The following LDLRAD4 variants were observed in gnomAD, a reference collection of about 807,000 sequenced individuals.
The protein encoded by LDLRAD4 is low density lipoprotein receptor class A domain containing 4.
LDLRAD4 carries 5 observed loss-of-function variants against 17.0 expected under a neutral mutation model. The ratio of observed to expected loss-of-function variants is 0.29; its 90% CI spans 0.15 to 0.62. LDLRAD4 has a LOEUF of 0.62. Ranked by LOEUF, LDLRAD4 falls within the 20% of genes least tolerant of loss-of-function variation. The pLI, the probability that LDLRAD4 is intolerant of heterozygous loss-of-function variation, is 0.84. For missense variants in LDLRAD4, 340 were observed against 424.7 expected, an observed-to-expected ratio of 0.80 and a Z score of 1.75; for synonymous variants, 168 against 171.8, an observed-to-expected ratio of 0.98 and a Z score of 0.17.
At chr18:13,392,519 C>T (rs190215415) in intron 2 of LDLRAD4, among the ~76,000 whole-genome samples, 4 of 152,274 alleles carry the variant, frequency 2.6e-5, no homozygotes, top group East Asian at 3.9e-4. Context: ...GGGACCCTTC[C>T]GGGCTGGGTC....
chr18:13,262,679 GAAACT>G (rs2145979123), intron 1 of LDLRAD4, among the ~76,000 whole-genome samples: 2 of 92,644 alleles, frequency 2.2e-5, no homozygotes, highest in South Asian at 4.4e-4. Context: ...CCTGTGCGTG[GAAACT>G]GAGTCCCGTG....
intron 3 of LDLRAD4, among the ~76,000 whole-genome samples, chr18:13,516,775 G>A (rs1008571715): frequency 2.0e-5 from 3 of 152,156 alleles, no homozygotes; most frequent in East Asian, 1.9e-4. Flanking sequence ...GCTTCCTGAC[G>A]GCACCTTCTT....
chr18:13,552,360 T>G (rs1235440963), intron 3 of LDLRAD4, among the ~76,000 whole-genome samples: 1 of 152,232 alleles, frequency 6.6e-6, no homozygotes, highest in East Asian at 1.9e-4. Flanking sequence ...CATGCCTGCA[T>G]GTCACTTCTT....
chr18:13,602,334 C>T (rs995805717), intron 3 of LDLRAD4, among the ~76,000 whole-genome samples: 1 of 151,988 alleles, frequency 6.6e-6, no homozygotes, highest in Non-Finnish European at 1.5e-5. Flanking sequence ...AGAACTTGAT[C>T]GTATCAGACA....
intron 3 of LDLRAD4, among the ~76,000 whole-genome samples, chr18:13,480,576 G>C (rs560523678): frequency 6.6e-6 from 1 of 152,280 alleles, no homozygotes; most frequent in African/African-American, 2.4e-5. Context: ...TGAAGGAGTG[G>C]TGGTGTCCGT....
At chr18:13,505,767 G>A (rs556150718) in intron 3 of LDLRAD4, among the ~76,000 whole-genome samples, 6 of 152,230 alleles carry the variant, frequency 3.9e-5, no homozygotes, top group Admixed American at 6.5e-5. Context: ...GCAGTGAGCC[G>A]AGATCGCACC....
At chr18:13,508,747 C>CTG (rs2093733641) in intron 3 of LDLRAD4, among the ~76,000 whole-genome samples, 1 of 152,174 alleles carries the variant, frequency 6.6e-6, no homozygotes, top group South Asian at 2.1e-4. Context: ...ACCTGGTCAC[C>CTG]AAGAGCTCTG....
At chr18:13,269,449 C>G (rs2044398485) in intron 1 of LDLRAD4, among the ~76,000 whole-genome samples, 1 of 152,198 alleles carries the variant, frequency 6.6e-6, no homozygotes, top group Admixed American at 6.5e-5. Context: ...GTGCTCTGAA[C>G]TAGTGCTCTG....
At chr18:13,417,555 T>C (rs6505811) in intron 2 of LDLRAD4, among the ~76,000 whole-genome samples, 141,778 of 151,684 alleles carry the variant, frequency 0.93, 66,902 homozygotes, top group Non-Finnish European at 1. Flanking sequence ...GCCTCAGCCT[T>C]CCAAGTAGCT....
chr18:13,489,158 T>G (rs1321684351), intron 3 of LDLRAD4: 1 of 76,100 alleles, frequency 1.3e-5, no homozygotes, highest in Admixed American at 1.3e-4. Flanking sequence ...TCTTTCTTTC[T>G]TTTTTTTTTT....
At chr18:13,296,037 G>A (rs2046253476) in intron 1 of LDLRAD4, among the ~76,000 whole-genome samples, 1 of 152,216 alleles carries the variant, frequency 6.6e-6, no homozygotes. Flanking sequence ...CAGGGTGGAG[G>A]CAGGAGCAGA....
At position 13,232,167 on chromosome 18, in the gene LDLRAD4, C is replaced by T. The variant is rs116589980; in HGVS notation, c.-467+13179C>T. Among the ~76,000 whole-genome samples the T allele has an allele frequency of 3.7e-3, 558 of 152,318 alleles. 2 individuals are homozygous for T. The highest frequency in any genetic ancestry group is 0.013 in the African/African-American group (537 of 41,582). Reference sequence around the variant, plus strand: ...CGAGTACGGTGCAGGCTGGGGCCACCGCAGGGGCCTGCTCTCATCTCCTCC... The same window carrying T: ...CGAGTACGGTGCAGGCTGGGGCCACTGCAGGGGCCTGCTCTCATCTCCTCC... On this transcript the variant is annotated intron_variant, in intron 1 of 5. Transcript: ENST00000399848.
chr18:13,234,259 G>A (rs867896906), intron 1 of LDLRAD4, among the ~76,000 whole-genome samples: 12 of 152,094 alleles, frequency 7.9e-5, no homozygotes, highest in Non-Finnish European at 8.8e-5. Flanking sequence ...CCTCACCCAC[G>A]TACCCCCTCG....
At chr18:13,262,516 G>A (rs865886842) in intron 1 of LDLRAD4, among the ~76,000 whole-genome samples, 1 of 129,502 alleles carries the variant, frequency 7.7e-6, no homozygotes, top group Non-Finnish European at 1.6e-5. Context: ...AGTCCCGTGC[G>A]GCCCTGTGCG....
At chr18:13,593,537 T>C (rs1257867456) in intron 3 of LDLRAD4, among the ~76,000 whole-genome samples, 1 of 152,104 alleles carries the variant, frequency 6.6e-6, no homozygotes, top group Admixed American at 6.5e-5. Flanking sequence ...TTTTCTATTT[T>C]GTTTATTTAC....
At chr18:13,611,528 G>T (rs2039555669) in intron 3 of LDLRAD4, 4 of 985,294 alleles carry the variant, frequency 4.1e-6, no homozygotes, top group Non-Finnish European at 3.6e-6. Flanking sequence ...AAACTGTTTA[G>T]ACCTCGGGGA....
chr18:13,469,695 G>C (rs1600592069), intron 3 of LDLRAD4, among the ~76,000 whole-genome samples: 1 of 152,344 alleles, frequency 6.6e-6, no homozygotes, highest in East Asian at 1.9e-4. Flanking sequence ...ACAGGAAGTG[G>C]ATTAGAGGTT....
chr18:13,264,316 C>T (rs922798539), intron 1 of LDLRAD4, among the ~76,000 whole-genome samples: 14 of 152,250 alleles, frequency 9.2e-5, no homozygotes, highest in African/African-American at 3.1e-4. Flanking sequence ...TTCCCAGCCC[C>T]GCCCCCGAGT....
At chr18:13,439,089 C>A (rs1016710523) in intron 3 of LDLRAD4, among the ~76,000 whole-genome samples, 2 of 152,176 alleles carry the variant, frequency 1.3e-5, no homozygotes, top group African/African-American at 4.8e-5. Context: ...AGTTGCACAC[C>A]TTGGGAAGAG....
Sources: allele counts gnomAD v4.1 joint callset (sites outside exome capture counted in the v4.1 genomes callset), GRCh38; gene constraint gnomAD v4.1.1; transcripts MANE v1.5; gene names NCBI Gene and HGNC (gene_info 2026-07-23, HGNC 2026-07-21).